TBC1D14: variants seen among roughly 807,000 people sequenced by gnomAD.
TBC1D14 encodes TBC1 domain family, member 14.
TBC1D14 carries 26 observed loss-of-function variants against 79.0 expected under a neutral mutation model. The observed-to-expected ratio is 0.33, with a 90% CI of 0.24 to 0.46. The LOEUF is 0.46. Among genes scored for constraint, TBC1D14 ranks in the 20% least tolerant of loss-of-function variants. TBC1D14 has a pLI of 1.00. For synonymous variants in TBC1D14, 394 were observed against 349.9 expected, an observed-to-expected ratio of 1.13 and a Z score of -1.40; for missense variants, 769 against 887.6, an observed-to-expected ratio of 0.87 and a Z score of 1.70.
intron 2 of TBC1D14, among the ~76,000 whole-genome samples, chr4:6,944,331 G>C (rs1713218396): frequency 6.6e-6 from 1 of 152,198 alleles, no homozygotes; most frequent in Non-Finnish European, 1.5e-5. Flanking sequence ...ATTTCATCCT[G>C]TGAATCATTT....
intron 2 of TBC1D14, among the ~76,000 whole-genome samples, chr4:6,944,970 C>T (rs1380756243): frequency 6.6e-6 from 1 of 152,202 alleles, no homozygotes; most frequent in Non-Finnish European, 1.5e-5. Context: ...GCCTAGATCT[C>T]AGTCATCCCC....
intron 3 of TBC1D14, among the ~76,000 whole-genome samples, chr4:6,983,416 G>A (rs1053003047): frequency 6.6e-6 from 1 of 152,160 alleles, no homozygotes; most frequent in African/African-American, 2.4e-5. Context: ...TCCTAGAGGT[G>A]TGCTACAAAT....
intron 7 of TBC1D14, 25 bp from the exon 8 acceptor site, chr4:7,004,819 A>T (rs765974779): frequency 1.9e-6 from 3 of 1,613,074 alleles, no homozygotes. Context: ...TGCACGTAAT[A>T]CTTACCCAGA....
intron 2 of TBC1D14, among the ~76,000 whole-genome samples, chr4:6,925,737 T>A (rs905879018): frequency 1.3e-5 from 2 of 152,102 alleles, no homozygotes; most frequent in African/African-American, 4.8e-5. Flanking sequence ...CTTGTCACTA[T>A]CCCTTCTGAG....
chr4:6,997,578 A>T (rs1490861906), intron 5 of TBC1D14, among the ~76,000 whole-genome samples: 1 of 152,190 alleles, frequency 6.6e-6, no homozygotes, highest in Non-Finnish European at 1.5e-5. Flanking sequence ...GTGAGCCGAG[A>T]TCGTGCCACT....
chr4:7,005,900 T>G (rs749673831), intron 8 of TBC1D14, among the ~76,000 whole-genome samples: 1 of 152,222 alleles, frequency 6.6e-6, no homozygotes, highest in Non-Finnish European at 1.5e-5. Context: ...TTTGCTAGAT[T>G]ATGCCTTTAG....
chr4:6,911,187 C>G (rs1722957603), intron 1 of TBC1D14, among the ~76,000 whole-genome samples: 1 of 152,168 alleles, frequency 6.6e-6, no homozygotes, highest in Non-Finnish European at 1.5e-5. Flanking sequence ...CTTACTGCTT[C>G]TTTGCTGTGT....
At position 7,010,644 on chromosome 4, in the gene TBC1D14, C is replaced by T. The variant is rs1323310801; in HGVS notation, c.1519-9C>T. 6 of 1,609,354 alleles carry T rather than the reference C, an allele frequency of 3.7e-6. No homozygotes were observed. The highest frequency in any genetic ancestry group is 4.2e-6 in the Non-Finnish European group (5 of 1,178,408). On this transcript the variant is annotated splice_polypyrimidine_tract_variant and intron_variant, in intron 10 of 13. Coordinates refer to ENST00000409757, the MANE Select transcript of TBC1D14 (RefSeq NM_020773.3). Reference sequence around the variant, plus strand: ...TGTGATTTTAACGTGCCTTTCTCTCCTCTCTCAGGTCCAGGGCATGTCCTT... The same window carrying T: ...TGTGATTTTAACGTGCCTTTCTCTCTTCTCTCAGGTCCAGGGCATGTCCTT...
chr4:6,994,733 T>A (rs1353609553), intron 4 of TBC1D14, among the ~76,000 whole-genome samples: 3 of 151,898 alleles, frequency 2.0e-5, no homozygotes, highest in African/African-American at 7.3e-5. Context: ...TGGTGATGGG[T>A]GCCGTAATCC....
chr4:6,983,959 T>C (rs752850942), intron 3 of TBC1D14, among the ~76,000 whole-genome samples: 1 of 152,234 alleles, frequency 6.6e-6, no homozygotes, highest in African/African-American at 2.4e-5. Context: ...CACAGTTTCT[T>C]TGGTGCAAAC....
At chr4:6,986,557 G>T (rs370264538) in intron 3 of TBC1D14, among the ~76,000 whole-genome samples, 1 of 152,334 alleles carries the variant, frequency 6.6e-6, no homozygotes, top group Non-Finnish European at 1.5e-5. Flanking sequence ...GAGATCTGCG[G>T]GGGGAGCCTT....
chr4:6,952,999 G>A lies in TBC1D14; in HGVS notation c.723-14305G>A, dbSNP rs144565246. 2.9e-3 allele frequency among the ~76,000 whole-genome samples: 424 copies of A among 147,466 alleles called. 1 individual carries two copies. The highest frequency in any genetic ancestry group is 0.01 in the African/African-American group (412 of 39,822). ...TAGGATTACAGGCACCCACTGTCAC[G>A]CCTAGCTAACTATTTTTTTCTTTCT... is the stretch of plus-strand genomic sequence containing the variant. On this transcript the variant is annotated intron_variant, in intron 2 of 13. Coordinates refer to ENST00000409757, the MANE Select transcript of TBC1D14 (RefSeq NM_020773.3).
At chr4:6,989,314 C>T (rs1264885408) in intron 3 of TBC1D14, among the ~76,000 whole-genome samples, 4 of 152,260 alleles carry the variant, frequency 2.6e-5, no homozygotes, top group Admixed American at 6.5e-5. Flanking sequence ...CTCTGGGTAA[C>T]GTGTTGAGAC....
At chr4:6,944,401 A>G (rs66819208) in intron 2 of TBC1D14, among the ~76,000 whole-genome samples, 20,956 of 152,186 alleles carry the variant, frequency 0.14, 2,004 homozygotes, top group African/African-American at 0.27. Context: ...GGAATTCCCC[A>G]TGGGCTTCAG....
chr4:6,982,258 A>C (rs1458035723), intron 3 of TBC1D14, among the ~76,000 whole-genome samples: 1 of 152,268 alleles, frequency 6.6e-6, no homozygotes. Flanking sequence ...ATGGTGGTAC[A>C]TTCCATACAA....
Position 6,936,615 on chromosome 4 carries a change from A to C in TBC1D14, c.722+12504A>C, listed in dbSNP as rs148650372. 2.6e-5 allele frequency among the ~76,000 whole-genome samples: 4 copies of C among 152,346 alleles called. No homozygotes were observed. In the East Asian group the frequency reaches 5.8e-4, roughly 22 times the overall value. On this transcript the variant is annotated intron_variant, in intron 2 of 13. Coordinates refer to ENST00000409757, the MANE Select transcript of TBC1D14 (RefSeq NM_020773.3). ...TCTGTGTGAAGATTTTTGTGTGGACATAAGTTTTCAGCTCCTTTGGGTAAA... is the reference window on the plus strand; with the variant it reads ...TCTGTGTGAAGATTTTTGTGTGGACCTAAGTTTTCAGCTCCTTTGGGTAAA...
intron 3 of TBC1D14, among the ~76,000 whole-genome samples, chr4:6,967,886 T>G (rs6831129): frequency 1.3e-5 from 2 of 151,994 alleles, no homozygotes; most frequent in Non-Finnish European, 2.9e-5. Context: ...TTGCTCACCC[T>G]GAGGCTGCCT....
intron 3 of TBC1D14, among the ~76,000 whole-genome samples, chr4:6,982,227 T>C (rs934919359): frequency 6.6e-6 from 1 of 152,362 alleles, no homozygotes; most frequent in East Asian, 1.9e-4. Context: ...ACAACCCAAA[T>C]GCCTTTCAAT....
At chr4:7,012,737 A>G (rs541034843) in intron 11 of TBC1D14, among the ~76,000 whole-genome samples, 17 of 152,340 alleles carry the variant, frequency 1.1e-4, no homozygotes, top group Admixed American at 3.9e-4. Context: ...TAGTTTTTTG[A>G]ATGATGGATT....
Sources: gnomAD v4.1 joint callset for allele counts (sites outside exome capture counted in the v4.1 genomes callset) on GRCh38, gnomAD v4.1.1 for gene constraint, MANE v1.5 for transcripts, NCBI Gene and HGNC (gene_info 2026-07-23, HGNC 2026-07-21) for gene names.